The following ADGRV1 variants were observed in gnomAD, a reference collection of about 807,000 sequenced individuals.
ADGRV1 encodes the protein adhesion G protein-coupled receptor V1.
In ADGRV1, 359 loss-of-function variants were observed where a neutral mutation model predicts 596.2. The observed-to-expected ratio is 0.60, with a 90% confidence interval of 0.55 to 0.66. The LOEUF is 0.66. Ranked by LOEUF, ADGRV1 falls within the 30% of genes least tolerant of loss-of-function variation. The probability of loss-of-function intolerance (pLI) is 0.00; values close to 1 mark genes in which losing one functional copy is unlikely to be tolerated. For synonymous variants in ADGRV1, 2,681 were observed against 2,679.2 expected (o/e 1.00, Z -0.02); for missense variants, 7,274 against 7,575.6 (o/e 0.96, Z 1.48).
At chr5:90,789,932 T>A (rs1440901708) in intron 69 of ADGRV1, 81 bp downstream of exon 69, 1 of 1,037,066 alleles carries the variant, frequency 9.6e-7, no homozygotes, top group Non-Finnish European at 1.3e-6. Context: ...CTGCATGTTC[T>A]AGTTAATTAA....
In ADGRV1 at chr5:90,965,472, G is replaced by A. The variant is rs771239507; in HGVS notation, c.17914G>A (p.Ala5972Thr). ...CCAACTCGCTGAGGAGAGCTGTTCA[G>A]CTATGGCTGCTGTCACACATTACCT... ...SPQLAEESCS[A>T]MAAVTHYLYL... The change falls in exon 84 of 90, where the codon GCT (alanine) becomes ACT (threonine). Residue 5972 changes from alanine (A) to threonine (T), a missense_variant. Ala to Thr is a moderately conservative substitution (Grantham distance 58). Around this residue, in one of 5 missense-constraint regions of ADGRV1, gnomAD observed 1,874 missense variants for 1,970.2 expected, o/e 0.95. Coordinates refer to ENST00000405460, the MANE Select transcript of ADGRV1 (RefSeq NM_032119.4). The A allele has an allele frequency of 4.3e-6, 7 of 1,613,738 alleles. No homozygotes were observed. In the East Asian group the frequency reaches 1.1e-4, roughly 26 times the overall value.
rs1788127708 is a variant in ADGRV1 at position 91,068,904 on chromosome 5, A to G, written c.18153-3543A>G. On this transcript the variant is annotated intron_variant, in intron 85 of 89. Coordinates refer to ENST00000405460, the MANE Select transcript of ADGRV1 (RefSeq NM_032119.4). The stretch of plus-strand genomic sequence containing the variant: ...TGGCTTTAAAATATACTAAAAGGCT[A>G]TAGTAACCAAAACAGCATGGTACTG... Among the ~76,000 whole-genome samples, 2 of 152,314 alleles carry G rather than the reference A, an allele frequency of 1.3e-5. 1 individual carries two copies. The highest frequency in any genetic ancestry group is 4.1e-4 in the South Asian group (2 of 4,826).
intron 1 of ADGRV1, among the ~76,000 whole-genome samples, chr5:90,587,380 T>C (rs2656954): frequency 2.6e-5 from 4 of 152,146 alleles, no homozygotes; most frequent in Non-Finnish European, 5.9e-5. Flanking sequence ...TGATCCTTAT[T>C]GTTATTGAGT....
At chr5:90,632,136 C>T in intron 9 of ADGRV1, among the ~76,000 whole-genome samples, 1 of 152,068 alleles carries the variant, frequency 6.6e-6, no homozygotes, top group African/African-American at 2.4e-5. Context: ...TGTTTAAGGG[C>T]TTTTTTTGGG....
intron 87 of ADGRV1, among the ~76,000 whole-genome samples, chr5:91,106,540 A>G (rs1249458422): frequency 2.0e-5 from 3 of 152,124 alleles, no homozygotes; most frequent in South Asian, 2.1e-4. Flanking sequence ...AATTGCATCA[A>G]CTCTGTAGAT....
Position 90,788,320 on chromosome 5 carries a change from G to T in ADGRV1, c.13893+10G>T. The T allele has an allele frequency of 6.3e-7, 1 of 1,578,972 alleles. No homozygotes were observed. The highest frequency in any genetic ancestry group is 8.6e-7 in the Non-Finnish European group (1 of 1,160,536). On this transcript the variant is annotated intron_variant, in intron 68 of 89. Transcript: ENST00000405460. ...AGATGTTACATTAACCGTATGTATG[G>T]CTTTATTTTTCTCACAAAATGTGGA...
chr5:90,638,024 T>C, intron 11 of ADGRV1, 76 bp downstream of exon 11: 2 of 986,930 alleles, frequency 2.0e-6, no homozygotes, highest in Non-Finnish European at 3.0e-6. Flanking sequence ...TTTTTTTTAC[T>C]CTTTTTTTTC....
intron 84 of ADGRV1, among the ~76,000 whole-genome samples, chr5:90,975,401 T>C (rs1375557506): frequency 2.0e-5 from 3 of 152,140 alleles, no homozygotes; most frequent in Non-Finnish European, 4.4e-5. Flanking sequence ...CACATGCACG[T>C]GTATGTTTAT....
At chr5:91,013,806 C>T (rs1782923920) in intron 85 of ADGRV1, among the ~76,000 whole-genome samples, 1 of 151,696 alleles carries the variant, frequency 6.6e-6, no homozygotes, top group Non-Finnish European at 1.5e-5. Context: ...GGTGGTATTG[C>T]CTAGGTGGTT....
chr5:90,920,698 C>T (rs554432585), intron 83 of ADGRV1, among the ~76,000 whole-genome samples: 5 of 152,118 alleles, frequency 3.3e-5, no homozygotes, highest in Non-Finnish European at 7.4e-5. Context: ...TTTATTTCTC[C>T]TCATTATAAG....
chr5:90,721,525 A>AAAATAAAATT (rs57822565), intron 45 of ADGRV1, among the ~76,000 whole-genome samples: 15 of 80,688 alleles, frequency 1.9e-4, no homozygotes, highest in Middle Eastern at 5.9e-3. Flanking sequence ...AAAATAAAAT[A>AAAATAAAATT]AAAATAAAAA....
At chr5:91,111,815 GA>G (rs1000970150) in intron 87 of ADGRV1, among the ~76,000 whole-genome samples, 3 of 150,708 alleles carry the variant, frequency 2.0e-5, no homozygotes, top group African/African-American at 4.9e-5. Flanking sequence ...CAAATTCAGT[GA>G]AAAAAAAATC....
chr5:90,884,504 A>G lies in ADGRV1; in HGVS notation c.17856+20647A>G, dbSNP rs1770097819. Among the ~76,000 whole-genome samples, 3 of 152,194 alleles carry G rather than the reference A, an allele frequency of 2.0e-5. No homozygotes were observed. The South Asian group carries it at 6.2e-4, about 32-fold the overall frequency. ...TATTATGGTCTCTTCAAGAGCTGCT[A>G]CATTTTTACAGTATTGTTTTTGTGT... On this transcript the variant is annotated intron_variant, in intron 83 of 89. Coordinates refer to ENST00000405460, the MANE Select transcript of ADGRV1 (RefSeq NM_032119.4).
At chr5:90,933,765 C>T (rs1464670394) in intron 83 of ADGRV1, among the ~76,000 whole-genome samples, 2 of 152,120 alleles carry the variant, frequency 1.3e-5, no homozygotes, top group African/African-American at 4.8e-5. Flanking sequence ...GCCTGGAATG[C>T]CCATTTTCTT....
intron 86 of ADGRV1, among the ~76,000 whole-genome samples, chr5:91,095,117 C>A (rs1790739564): frequency 6.6e-6 from 1 of 152,094 alleles, no homozygotes; most frequent in African/African-American, 2.4e-5. Context: ...AAAATTAGAT[C>A]TGAGTATAGA....
intron 59 of ADGRV1, among the ~76,000 whole-genome samples, chr5:90,765,092 C>G (rs1219434249): frequency 6.6e-6 from 1 of 152,150 alleles, no homozygotes; most frequent in Non-Finnish European, 1.5e-5. Context: ...CTTTTCTACA[C>G]CCTGCTTCTT....
At chr5:90,725,687 T>G (rs755481168) in intron 48 of ADGRV1, 31 bp downstream of exon 48, 1 of 1,143,058 alleles carries the variant, frequency 8.7e-7, no homozygotes, top group Non-Finnish European at 1.3e-6. Flanking sequence ...AGTGGGTTTT[T>G]TTTTGCTTTT....
At chr5:90,758,224 T>G (rs1756053026) in intron 57 of ADGRV1, among the ~76,000 whole-genome samples, 3 of 152,010 alleles carry the variant, frequency 2.0e-5, no homozygotes, top group African/African-American at 7.3e-5. Context: ...TCCCAGCTAT[T>G]CCGGCGACTG....
intron 59 of ADGRV1, among the ~76,000 whole-genome samples, chr5:90,768,834 C>A (rs1757407076): frequency 6.6e-6 from 1 of 152,070 alleles, no homozygotes; most frequent in Non-Finnish European, 1.5e-5. Flanking sequence ...AGATTCGTGT[C>A]CAGAGGCTTT....
Sources: gnomAD v4.1 joint callset for allele counts (sites outside exome capture counted in the v4.1 genomes callset) on GRCh38, gnomAD v4.1.1 for gene constraint, gnomAD v4.1.1 regional missense constraint, MANE v1.5 for transcripts, NCBI Gene and HGNC (gene_info 2026-07-23, HGNC 2026-07-21) for gene names.